CEP112: variants seen among roughly 807,000 people sequenced by gnomAD.
CEP112 encodes the protein centrosomal protein 112, also known as centrosomal protein of 112 kDa.
In CEP112, 127 loss-of-function variants were observed where a neutral mutation model predicts 153.0. That is an observed-to-expected ratio of 0.83 (90% CI 0.72 to 0.96). The LOEUF is 0.96. CEP112 is among the 40% of genes least tolerant of loss of function. CEP112 has a pLI of 0.00. For missense variants in CEP112, 1,089 were observed against 1,101.2 expected (o/e 0.99, Z 0.16); for synonymous variants, 358 against 374.4 (o/e 0.96, Z 0.51).
At chr17:65,782,567 T>C (rs951231089) in intron 21 of CEP112, among the ~76,000 whole-genome samples, 1 of 152,142 alleles carries the variant, frequency 6.6e-6, no homozygotes, top group Admixed American at 6.6e-5. Flanking sequence ...CTATTCACAA[T>C]AGCAAAACCA....
At chr17:65,745,703 C>T (rs1421027) in intron 22 of CEP112, among the ~76,000 whole-genome samples, 17,922 of 151,992 alleles carry the variant, frequency 0.12, 1,879 homozygotes, top group African/African-American at 0.28. Flanking sequence ...TTTAGTTCTG[C>T]GCAGTTTAAC....
At chr17:65,756,489 A>G (rs1030253046) in intron 21 of CEP112, among the ~76,000 whole-genome samples, 1 of 151,694 alleles carries the variant, frequency 6.6e-6, no homozygotes, top group Non-Finnish European at 1.5e-5. Context: ...TTCAAGGACT[A>G]CTCAGTTGTG....
chr17:66,054,076 T>C (rs1342742670), intron 11 of CEP112, among the ~76,000 whole-genome samples, 197 bp from the exon 12 acceptor site: 1 of 152,214 alleles, frequency 6.6e-6, no homozygotes, highest in East Asian at 1.9e-4. Context: ...ACTTAATTTT[T>C]CCTTTACTTT....
chr17:65,878,258 A>G (rs757227070), intron 20 of CEP112, among the ~76,000 whole-genome samples: 2 of 152,198 alleles, frequency 1.3e-5, no homozygotes, highest in Non-Finnish European at 2.9e-5. Context: ...GGATGTGTCA[A>G]TTAGCTTGAT....
intron 6 of CEP112, among the ~76,000 whole-genome samples, chr17:66,103,901 G>C (rs2068669832): frequency 6.6e-6 from 1 of 152,196 alleles, no homozygotes; most frequent in Non-Finnish European, 1.5e-5. Context: ...ACAGCAGGCA[G>C]AATTCAGCTT....
chr17:65,709,280 G>T (rs550400148), intron 23 of CEP112, among the ~76,000 whole-genome samples: 1 of 152,268 alleles, frequency 6.6e-6, no homozygotes, highest in East Asian at 1.9e-4. Context: ...ACAATTCTTA[G>T]ATATTTGTAT....
At chr17:65,770,871 G>A (rs2145506935) in intron 21 of CEP112, among the ~76,000 whole-genome samples, 1 of 129,784 alleles carries the variant, frequency 7.7e-6, no homozygotes, top group South Asian at 2.4e-4. Flanking sequence ...AAAATGTTAA[G>A]AAATAATTAA....
In CEP112 at chr17:65,961,693, A is replaced by T. The variant is rs539014753; in HGVS notation, c.1737-95T>A. On this transcript the variant is annotated intron_variant, in intron 17 of 26. Transcript: ENST00000535342. ...TAACCCCCTCTAAAATAAAATCCAGATTTTAATTTTTTTGATCCAAATCCT... is the reference window on the plus strand; with the variant it reads ...TAACCCCCTCTAAAATAAAATCCAGTTTTTAATTTTTTTGATCCAAATCCT... 44 of 1,198,322 alleles carry T rather than the reference A, an allele frequency of 3.7e-5. No individual in the cohort carries two copies. In the East Asian group the frequency reaches 1.0e-3, roughly 28 times the overall value. The allele number at this position is 1,198,322 out of a possible 1,614,324, so 74.2% of individuals were successfully genotyped here.
intron 23 of CEP112, among the ~76,000 whole-genome samples, chr17:65,734,773 C>T (rs909158583): frequency 6.6e-5 from 10 of 152,152 alleles, no homozygotes; most frequent in African/African-American, 2.4e-4. Context: ...AGTATTTTAG[C>T]AGCCTTTTTA....
At chr17:65,846,939 T>C (rs555168344) in intron 21 of CEP112, among the ~76,000 whole-genome samples, 128 of 152,266 alleles carry the variant, frequency 8.4e-4, no homozygotes, top group Non-Finnish European at 1.5e-3. Context: ...GAATTCGGAG[T>C]CCAGGTCTTT....
At chr17:66,033,257 G>T (rs545023375) in intron 12 of CEP112, among the ~76,000 whole-genome samples, 48 of 135,888 alleles carry the variant, frequency 3.5e-4, no homozygotes, top group African/African-American at 1.3e-3. Context: ...TGACATACAA[G>T]AAAACTATAC....
At chr17:65,893,167 GAC>G (rs1488242629) in intron 20 of CEP112, among the ~76,000 whole-genome samples, 5 of 151,872 alleles carry the variant, frequency 3.3e-5, no homozygotes, top group Non-Finnish European at 7.4e-5. Context: ...CCAGTGAAAC[GAC>G]ACACACACTC....
rs1225440682 is a variant in CEP112, at chr17:66,086,401, T to C, written c.768+9850A>G. Reference sequence around the variant, plus strand: ...TTTTCTTTTTTTTTTTTTTTTTTTTTTTTTTTTTTTTTTTTTTTTTGAGAA... The same window carrying C: ...TTTTCTTTTTTTTTTTTTTTTTTTTCTTTTTTTTTTTTTTTTTTTTGAGAA... On this transcript the variant is annotated intron_variant, in intron 8 of 26. Coordinates refer to ENST00000535342, the MANE Select transcript of CEP112 (RefSeq NM_001199165.4). Among the ~76,000 whole-genome samples the C allele has an allele frequency of 1.2e-3, 134 of 114,842 alleles. 1 individual carries two copies. The highest frequency in any genetic ancestry group is 4.4e-3 in the African/African-American group (128 of 29,144). The allele number at this position is 114,842 out of a possible 152,430, so 75.3% of individuals were successfully genotyped here. A position where few individuals can be genotyped will look rare whatever the true frequency, so the allele number is the denominator to read the frequency against.
Position 65,669,106 on chromosome 17 carries a change from G to A in CEP112, c.2697+20023C>T, listed in dbSNP as rs1454521194. ...AGTTCAGTTTTCGGCAGGTGGGCAG[G>A]GGAAACATTTTGGGAGAGCGGCAGC... On this transcript the variant is annotated intron_variant, in intron 24 of 26. Coordinates refer to ENST00000535342, the MANE Select transcript of CEP112 (RefSeq NM_001199165.4). Among the ~76,000 whole-genome samples the A allele has an allele frequency of 7.2e-5, 11 of 152,192 alleles. No homozygotes were observed. In the South Asian group the frequency reaches 2.3e-3, roughly 32 times the overall value.
chr17:65,921,500 A>G (rs1180703545), intron 19 of CEP112, among the ~76,000 whole-genome samples: 4 of 152,160 alleles, frequency 2.6e-5, no homozygotes, highest in African/African-American at 7.2e-5. Flanking sequence ...CCTAAAATGT[A>G]CTAGCTCATA....
chr17:65,790,476 A>G lies in CEP112; in HGVS notation c.2395-39752T>C, dbSNP rs113371831. 8.5e-3 allele frequency among the ~76,000 whole-genome samples: 1,298 copies of G among 152,042 alleles called. 20 individuals carry two copies. Among genetic ancestry groups the G allele is most frequent in the African/African-American group, 0.029 (1,219 of 41,464 alleles). ...CTGAATGTGCAAGCTGCATTTCTATACTCTTGAAGCAGCAGTCCTCAAAAA... is the reference window on the plus strand; with the variant it reads ...CTGAATGTGCAAGCTGCATTTCTATGCTCTTGAAGCAGCAGTCCTCAAAAA... On this transcript the variant is annotated intron_variant, in intron 21 of 26. Transcript: ENST00000535342.
chr17:66,178,824 A>G (rs1480365516), intron 2 of CEP112, among the ~76,000 whole-genome samples: 1 of 152,062 alleles, frequency 6.6e-6, no homozygotes, highest in Non-Finnish European at 1.5e-5. Context: ...AAATGTTTGC[A>G]TTTTTGCTGT....
At chr17:65,752,488 T>C (rs2051941223) in intron 21 of CEP112, among the ~76,000 whole-genome samples, 1 of 152,028 alleles carries the variant, frequency 6.6e-6, no homozygotes, top group South Asian at 2.1e-4. Flanking sequence ...TTCAGGAGAG[T>C]GACTCTCGTG....
intron 17 of CEP112, among the ~76,000 whole-genome samples, chr17:65,962,043 A>G (rs2062223853): frequency 6.6e-6 from 1 of 152,240 alleles, no homozygotes; most frequent in Admixed American, 6.5e-5. Context: ...TTTATATGAA[A>G]TTTCCAGAAT....
Sources: gnomAD v4.1 joint callset for allele counts (sites outside exome capture counted in the v4.1 genomes callset) on GRCh38, gnomAD v4.1.1 for gene constraint, MANE v1.5 for transcripts, NCBI Gene and HGNC (gene_info 2026-07-23, HGNC 2026-07-21) for gene names.